TNNI3K: variants seen among roughly 807,000 people sequenced by gnomAD.
TNNI3K encodes the protein TNNI3 interacting kinase, also known as serine/threonine-protein kinase TNNI3K.
In TNNI3K, 140 loss-of-function variants were observed where a neutral mutation model predicts 114.5. That is an observed-to-expected ratio of 1.22 (90% CI 1.07 to 1.41). The LOEUF is 1.41. TNNI3K is among the 40% of genes most tolerant of loss of function. The probability of loss-of-function intolerance (pLI) is 0.00; values close to 1 mark genes in which losing one functional copy is unlikely to be tolerated. For missense variants in TNNI3K, 1,125 were observed against 1,007.6 expected (o/e 1.12, Z -1.58); for synonymous variants, 347 against 347.5 (o/e 1.00, Z 0.02).
intron 6 of TNNI3K, 138 bp from the exon 7 acceptor site, chr1:74,335,873 T>C: frequency 2.4e-6 from 2 of 844,690 alleles, no homozygotes; most frequent in Non-Finnish European, 3.5e-6. Flanking sequence ...CCTAGAATTG[T>C]TCCAGTTTTG....
At chr1:74,397,228 A>G (rs1664132539) in intron 17 of TNNI3K, among the ~76,000 whole-genome samples, 1 of 152,084 alleles carries the variant, frequency 6.6e-6, no homozygotes, top group African/African-American at 2.4e-5. Context: ...GAAGAAAATG[A>G]GTGAGAGAAA....
intron 5 of TNNI3K, among the ~76,000 whole-genome samples, chr1:74,323,248 T>G (rs1659720100): frequency 6.6e-6 from 1 of 152,166 alleles, no homozygotes; most frequent in Non-Finnish European, 1.5e-5. Context: ...TAATGCCACA[T>G]AAGACAAAAA....
chr1:74,521,969 G>C (rs1046575399), intron 23 of TNNI3K, among the ~76,000 whole-genome samples: 9 of 152,080 alleles, frequency 5.9e-5, no homozygotes, highest in African/African-American at 2.2e-4. Flanking sequence ...TTCTAAACAG[G>C]TAACTGAGAT....
At chr1:74,377,002 T>C (rs1433431681) in intron 17 of TNNI3K, 1 of 152,010 alleles carries the variant, frequency 6.6e-6, no homozygotes, top group Non-Finnish European at 1.5e-5. Context: ...AAGAGAACTT[T>C]AAGAAAATCC....
intron 5 of TNNI3K, among the ~76,000 whole-genome samples, chr1:74,296,837 A>G (rs952762557): frequency 2.6e-5 from 4 of 152,152 alleles, no homozygotes; most frequent in African/African-American, 9.7e-5. Context: ...CTTTTAAAAA[A>G]TCTTGCTATT....
intron 4 of TNNI3K, among the ~76,000 whole-genome samples, chr1:74,251,483 A>G (rs1028301574): frequency 3.3e-5 from 5 of 152,218 alleles, no homozygotes; most frequent in Admixed American, 3.3e-4. Flanking sequence ...AAATAACTGC[A>G]TATTAGGATT....
chr1:74,405,198 A>T (rs1017146773), intron 17 of TNNI3K, among the ~76,000 whole-genome samples: 1 of 151,994 alleles, frequency 6.6e-6, no homozygotes, highest in African/African-American at 2.4e-5. Context: ...TATTCAGGTG[A>T]TGAGTAAAGA....
At chr1:74,510,435 G>A (rs1670127685) in intron 23 of TNNI3K, among the ~76,000 whole-genome samples, 1 of 152,152 alleles carries the variant, frequency 6.6e-6, no homozygotes, top group African/African-American at 2.4e-5. Flanking sequence ...TTGAACCCGG[G>A]AGGTGGAGCT....
intron 2 of TNNI3K, among the ~76,000 whole-genome samples, chr1:74,248,246 C>T (rs369224677): frequency 2.6e-5 from 4 of 152,158 alleles, no homozygotes; most frequent in South Asian, 4.2e-4. Flanking sequence ...CTCACGCTGG[C>T]CTGCGAGCAC....
intron 23 of TNNI3K, among the ~76,000 whole-genome samples, chr1:74,513,938 A>T (rs1178348960): frequency 6.6e-6 from 1 of 152,176 alleles, no homozygotes; most frequent in African/African-American, 2.4e-5. Context: ...TTTTCTATAG[A>T]CTAAGGGGAG....
At chr1:74,520,079 G>A (rs1029345689) in intron 23 of TNNI3K, among the ~76,000 whole-genome samples, 5 of 152,122 alleles carry the variant, frequency 3.3e-5, no homozygotes, top group African/African-American at 1.2e-4. Flanking sequence ...ATGGTGATTT[G>A]TGAGATTTTG....
At chr1:74,271,118 G>A (rs1656318576) in intron 4 of TNNI3K, among the ~76,000 whole-genome samples, 1 of 151,710 alleles carries the variant, frequency 6.6e-6, no homozygotes, top group Admixed American at 6.6e-5. Context: ...GAACTATCAT[G>A]AAACAGCCTA....
rs556146312 is a variant in TNNI3K, at chr1:74,472,096, A to G, written c.2121+8546A>G. The G allele has an allele frequency of 1.2e-4, 86 of 717,054 alleles. No homozygotes were observed. The Middle Eastern group carries it at 1.4e-3, about 11-fold the overall frequency. 44.4% of individuals were successfully genotyped at this position (717,054 alleles called of 1,614,324 possible). A position where few individuals can be genotyped will look rare whatever the true frequency, so the allele number is the denominator to read the frequency against. On this transcript the variant is annotated intron_variant, in intron 21 of 24. Transcript: ENST00000326637. The stretch of plus-strand genomic sequence containing the variant: ...GTGTAAGCCATTGTCTTCTTTTTCT[A>G]TTGGAGGCTGCCATGATTCATTTGT...
At chr1:74,360,145 T>G (rs1286821023) in intron 11 of TNNI3K, among the ~76,000 whole-genome samples, 1 of 151,940 alleles carries the variant, frequency 6.6e-6, no homozygotes, top group East Asian at 1.9e-4. Context: ...ATAATACTTC[T>G]TCTAATCCAT....
At chr1:74,389,960 G>A (rs1161027810) in intron 17 of TNNI3K, among the ~76,000 whole-genome samples, 1 of 152,142 alleles carries the variant, frequency 6.6e-6, no homozygotes, top group Admixed American at 6.5e-5. Flanking sequence ...GATAGTACAA[G>A]ATGTCAAAAG....
chr1:74,393,071 G>A (rs536469025), intron 17 of TNNI3K, among the ~76,000 whole-genome samples: 153 of 152,296 alleles, frequency 1.0e-3, no homozygotes, highest in Non-Finnish European at 1.6e-3. Flanking sequence ...TCATTGTGAC[G>A]ATTAGCAGAA....
intron 9 of TNNI3K, among the ~76,000 whole-genome samples, chr1:74,352,599 G>C (rs1661421162): frequency 6.6e-6 from 1 of 152,226 alleles, no homozygotes; most frequent in Non-Finnish European, 1.5e-5. Context: ...GCCTCCTTGA[G>C]CTGTGGTCGG....
intron 5 of TNNI3K, among the ~76,000 whole-genome samples, chr1:74,316,245 A>G (rs558096366): frequency 6.6e-6 from 1 of 152,320 alleles, no homozygotes; most frequent in Non-Finnish European, 1.5e-5. Context: ...TGTGAGAAAG[A>G]TCACCATGAT....
chr1:74,498,434 A>G (rs1466733587), intron 23 of TNNI3K, among the ~76,000 whole-genome samples: 2 of 152,176 alleles, frequency 1.3e-5, no homozygotes, highest in South Asian at 4.1e-4. Flanking sequence ...CTTATTCCCT[A>G]TTAGATCATA....
Sources: gnomAD v4.1 joint callset for allele counts (sites outside exome capture counted in the v4.1 genomes callset) on GRCh38, gnomAD v4.1.1 for gene constraint, MANE v1.5 for transcripts, NCBI Gene and HGNC (gene_info 2026-07-23, HGNC 2026-07-21) for gene names.